The following CFAP54 variants were observed in gnomAD, a reference collection of about 807,000 sequenced individuals.
The protein encoded by CFAP54 is cilia and flagella associated protein 54.
Under a neutral mutation model 370.4 loss-of-function variants are expected in CFAP54, and 290 were observed. That is an observed-to-expected ratio of 0.78 (90% CI 0.71 to 0.86). CFAP54 has a LOEUF of 0.86. CFAP54 is among the 40% of genes least tolerant of loss of function. The pLI, the probability that CFAP54 is intolerant of heterozygous loss-of-function variation, is 0.00. For missense variants in CFAP54, 3,399 were observed against 3,528.7 expected, an observed-to-expected ratio of 0.96 and a Z score of 0.93; for synonymous variants, 1,206 against 1,236.5, an observed-to-expected ratio of 0.98 and a Z score of 0.52.
At chr12:96,627,016 G>A (rs1956556091) in intron 30 of CFAP54, 77 bp downstream of exon 30, 1 of 1,090,738 alleles carries the variant, frequency 9.2e-7, no homozygotes, top group South Asian at 3.9e-5. Flanking sequence ...AGAAATATAA[G>A]GTAGACGAAA....
chr12:96,704,460 A>ATATG (rs1957525610), intron 46 of CFAP54, among the ~76,000 whole-genome samples: 1 of 25,604 alleles, frequency 3.9e-5, no homozygotes, highest in Non-Finnish European at 7.4e-5. Context: ...GTGTATATAT[A>ATATG]TATATATATA....
chr12:96,605,665 G>A (rs1956292033), intron 26 of CFAP54, among the ~76,000 whole-genome samples: 1 of 152,176 alleles, frequency 6.6e-6, no homozygotes, highest in South Asian at 2.1e-4. Flanking sequence ...ACTGGTTTGG[G>A]CTCTTGACAT....
At chr12:96,674,147 T>A (rs931429088) in intron 39 of CFAP54, among the ~76,000 whole-genome samples, 2 of 152,156 alleles carry the variant, frequency 1.3e-5, no homozygotes, top group African/African-American at 4.8e-5. Flanking sequence ...TGTTGGAATT[T>A]TCAGCCCTTT....
chr12:96,737,429 G>A (rs1592733982), intron 50 of CFAP54, among the ~76,000 whole-genome samples: 1 of 150,192 alleles, frequency 6.7e-6, no homozygotes, highest in Middle Eastern at 3.6e-3. Context: ...TGTGGCCAAT[G>A]TTAGCACAAT....
intron 9 of CFAP54, among the ~76,000 whole-genome samples, chr12:96,532,883 A>G (rs903327671): frequency 2.2e-4 from 33 of 152,248 alleles, no homozygotes; most frequent in Middle Eastern, 3.4e-3. Flanking sequence ...GGCCTCCCAA[A>G]GTGCTGGGAT....
intron 1 of CFAP54, among the ~76,000 whole-genome samples, chr12:96,496,739 A>C (rs567887735): frequency 1.3e-5 from 2 of 152,300 alleles, no homozygotes; most frequent in African/African-American, 4.8e-5. Context: ...CTTATCTAGA[A>C]ATTTATGAGA....
chr12:96,506,589 C>CT (rs71068809), intron 3 of CFAP54, among the ~76,000 whole-genome samples: 54,764 of 130,800 alleles, frequency 0.42, 11,676 homozygotes, highest in South Asian at 0.46. Context: ...CTTTTCTTTT[C>CT]TTTTTTTTTT....
intron 67 of CFAP54, among the ~76,000 whole-genome samples, chr12:96,863,222 T>C (rs1565766184): frequency 1.3e-5 from 2 of 151,916 alleles, no homozygotes; most frequent in Non-Finnish European, 2.9e-5. Context: ...GATGGCACTA[T>C]GGAGTTCTAA....
intron 26 of CFAP54, among the ~76,000 whole-genome samples, chr12:96,614,045 GCAGAGACA>G (rs1389048158): frequency 2.0e-5 from 3 of 152,126 alleles, no homozygotes; most frequent in Non-Finnish European, 4.4e-5. Context: ...CCAAAGCCGG[GCAGAGACA>G]CAACAAAAAA....
chr12:96,761,975 C>T (rs1234141563), intron 58 of CFAP54, among the ~76,000 whole-genome samples: 1 of 152,042 alleles, frequency 6.6e-6, no homozygotes, highest in African/African-American at 2.4e-5. Flanking sequence ...GACTCCTTTG[C>T]ATTTCACTAT....
At chr12:96,550,152 G>A (rs888268153) in intron 15 of CFAP54, among the ~76,000 whole-genome samples, 51 of 152,126 alleles carry the variant, frequency 3.4e-4, no homozygotes, top group African/African-American at 1.0e-3. Flanking sequence ...CTATACCTGC[G>A]ACATGTTTTA....
chr12:96,789,257 A>G (rs1479036854), intron 62 of CFAP54, among the ~76,000 whole-genome samples: 1 of 152,214 alleles, frequency 6.6e-6, no homozygotes, highest in Admixed American at 6.5e-5. Flanking sequence ...TCTTTTTCCC[A>G]GATTCAGCAA....
intron 30 of CFAP54, among the ~76,000 whole-genome samples, chr12:96,628,271 T>A (rs1259709154): frequency 6.6e-6 from 1 of 152,170 alleles, no homozygotes; most frequent in Admixed American, 6.5e-5. Flanking sequence ...GAATAAAAAT[T>A]TTAAAATACT....
At position 96,740,036 on chromosome 12, in the gene CFAP54, A is replaced by G. The variant is rs1289495932; in HGVS notation, c.7046A>G (p.Glu2349Gly). ...FEKKVVQDDT[E>G]NPVSPGTSVT... ...AAGAAGGTAGTACAGGATGACACAGAGAATCCTGTCTCTCCAGGAACTTCT... is the reference window on the plus strand; with the variant it reads ...AAGAAGGTAGTACAGGATGACACAGGGAATCCTGTCTCTCCAGGAACTTCT... The change falls in exon 51 of 68, where the codon GAG (glutamate) becomes GGG (glycine). Residue 2349 changes from glutamate (E) to glycine (G), a missense_variant. Transcript: ENST00000524981. 1 of 1,600,368 alleles carries G rather than the reference A, an allele frequency of 6.2e-7. No homozygotes were observed. Among genetic ancestry groups the G allele is most frequent in the Non-Finnish European group, 8.6e-7 (1 of 1,169,476 alleles).
chr12:96,763,016 T>A (rs1038114258), intron 58 of CFAP54, among the ~76,000 whole-genome samples: 3 of 152,144 alleles, frequency 2.0e-5, no homozygotes, highest in Non-Finnish European at 2.9e-5. Flanking sequence ...TGCAGGTTCA[T>A]TGAAAATTAA....
At chr12:96,801,985 A>G (rs932534034) in intron 63 of CFAP54, among the ~76,000 whole-genome samples, 5 of 152,108 alleles carry the variant, frequency 3.3e-5, no homozygotes, top group Non-Finnish European at 7.4e-5. Context: ...TGAGCGGACC[A>G]CACTTCCTAC....
intron 60 of CFAP54, among the ~76,000 whole-genome samples, chr12:96,771,514 C>T (rs374241022): frequency 0.011 from 1,709 of 152,116 alleles, 27 homozygotes; most frequent in African/African-American, 0.035. Flanking sequence ...TAGCCAGGCG[C>T]GGTGGTGGGC....
At chr12:96,621,489 G>A in intron 26 of CFAP54, 101 bp from the exon 27 acceptor site, 1 of 832,268 alleles carries the variant, frequency 1.2e-6, no homozygotes, top group Non-Finnish European at 1.6e-6. Context: ...TTCTTAGACT[G>A]AAAACTCTAT....
chr12:96,644,928 T>A (rs921178212), intron 33 of CFAP54, among the ~76,000 whole-genome samples: 2 of 152,220 alleles, frequency 1.3e-5, no homozygotes, highest in Admixed American at 6.6e-5. Context: ...AATCTCAGAA[T>A]CTTTCACAAT....
Sources: gnomAD v4.1 joint callset for allele counts (sites outside exome capture counted in the v4.1 genomes callset) on GRCh38, gnomAD v4.1.1 for gene constraint, MANE v1.5 for transcripts, NCBI Gene and HGNC (gene_info 2026-07-23, HGNC 2026-07-21) for gene names.